Variants in IFIT2 observed in about 807,000 individuals in gnomAD.
The protein encoded by IFIT2 is interferon-induced protein with tetratricopeptide repeats 2.
A neutral mutation model predicts 2.5 loss-of-function variants in IFIT2; 3 were observed. That is an observed-to-expected ratio of 1.21 (90% CI 0.55 to 3.14). IFIT2 has a LOEUF of 3.14. IFIT2 is among the 30% of genes most tolerant of loss of function. The pLI, the probability that IFIT2 is intolerant of heterozygous loss-of-function variation, is 0.03. For missense variants in IFIT2, 493 were observed against 558.9 expected, an observed-to-expected ratio of 0.88 and a Z score of 1.19; for synonymous variants, 212 against 200.7, an observed-to-expected ratio of 1.06 and a Z score of -0.48.
In IFIT2 at chr10:89,307,072, G is replaced by A; in HGVS notation, c.1116G>A (p.Leu372=). The A allele has an allele frequency of 1.2e-6, 2 of 1,614,030 alleles. No individual in the cohort carries two copies. Among genetic ancestry groups the A allele is most frequent in the Non-Finnish European group, 1.7e-6 (2 of 1,179,946 alleles). The change falls in exon 2 of 2, where the codon CTG becomes CTA. Residue 372 remains leucine, a synonymous_variant. Transcript: ENST00000371826. ...AGCTTACTCCTGTAGCGAAACAACT[G>A]CTCCATCTGCGGTATGGCAACTTTC... ...SKELTPVAKQ[L]LHLRYGNFQL... is the part of the protein sequence containing the mutation.
chr10:89,304,269 G>A (rs560556459), intron 1 of IFIT2, among the ~76,000 whole-genome samples: 5 of 143,520 alleles, frequency 3.5e-5, no homozygotes, highest in Admixed American at 2.0e-4. Context: ...CCCCAGGTGC[G>A]GGAGCCCCGG....
At chr10:89,304,873 C>A (rs1843468559) in intron 1 of IFIT2, among the ~76,000 whole-genome samples, 2 of 150,624 alleles carry the variant, frequency 1.3e-5, no homozygotes. Flanking sequence ...ATAAGGGTAC[C>A]CTAAAGAAAA....
chr10:89,306,775 T>TAGAA lies in IFIT2; in HGVS notation c.819_820insAGAA (p.Leu274ArgfsTer20). 6.2e-7 allele frequency: 1 copy of TAGAA among 1,614,142 alleles called. No homozygotes were observed. Among genetic ancestry groups the TAGAA allele is most frequent in the Non-Finnish European group, 8.5e-7 (1 of 1,179,978 alleles). On this transcript the variant is annotated frameshift_variant, in exon 2 of 2. Coordinates refer to ENST00000371826, the MANE Select transcript of IFIT2 (RefSeq NM_001547.5). LOFTEE classifies it low-confidence loss of function (END_TRUNC). ...AAGCGATTGAACTGCTTAAAAAGGC[T>TAGAA]TTAGAATACATACCAAACAATGCCT... is the stretch of plus-strand genomic sequence containing the variant.
intron 1 of IFIT2, among the ~76,000 whole-genome samples, chr10:89,302,456 G>T (rs964929648): frequency 7.2e-5 from 11 of 152,134 alleles, no homozygotes; most frequent in South Asian, 2.1e-4. Flanking sequence ...GGGTCTGGGG[G>T]CATTGCTCTT....
rs762208253 is a variant in IFIT2, at chr10:89,306,305, G to A, written c.349G>A (p.Val117Ile). Residue 117 changes from valine (V) to isoleucine (I), a missense_variant, in exon 2 of 2, where the codon GTA becomes ATA. Physicochemically the swap from Val to Ile is conservative, Grantham distance 29. Transcript: ENST00000371826. ...MGRLSDVQIY[V>I]DKVKHVCEKF... ...CCGACTCTCAGACGTTCAGATTTAT[G>A]TAGACAAGGTGAAACATGTCTGTGA... 7.4e-6 allele frequency: 12 copies of A among 1,614,014 alleles called. No homozygotes were observed. The highest frequency in any genetic ancestry group is 1.0e-5 in the Non-Finnish European group (12 of 1,179,992).
Position 89,307,653 on chromosome 10 carries a change from T to G in IFIT2, c.*278T>G. 3.1e-6 allele frequency: 1 copy of G among 321,260 alleles called. No individual in the cohort carries two copies. The highest frequency in any genetic ancestry group is 5.8e-6 in the Non-Finnish European group (1 of 172,644). 19.9% of individuals were successfully genotyped at this position (321,260 alleles called of 1,614,324 possible). A position where few individuals can be genotyped will look rare whatever the true frequency, so the allele number is the denominator to read the frequency against. On this transcript the variant is annotated 3_prime_UTR_variant, in exon 2 of 2. Coordinates refer to ENST00000371826, the MANE Select transcript of IFIT2 (RefSeq NM_001547.5). The stretch of plus-strand genomic sequence containing the variant: ...TTGAGTGCAATTTGAACTGTAACAT[T>G]TGCTTAGTCACCTTTAGTGGAGTAA...
chr10:89,305,842 G>C (rs1349815696), intron 1 of IFIT2, 120 bp from the exon 2 acceptor site: 1 of 701,046 alleles, frequency 1.4e-6, no homozygotes, highest in Non-Finnish European at 2.5e-6. Flanking sequence ...AGAAAAGAAG[G>C]GGAGTTTCTT....
intron 1 of IFIT2, among the ~76,000 whole-genome samples, chr10:89,303,886 G>A (rs944763506): frequency 2.6e-5 from 4 of 152,164 alleles, no homozygotes; most frequent in African/African-American, 9.7e-5. Flanking sequence ...TGGGGTCTGA[G>A]AGTGGTCATA....
chr10:89,306,090 A>T lies in IFIT2; in HGVS notation c.134A>T (p.Gln45Leu). ...AAAGTATTTTACCGGACTGAGTTTCAGAATCGTGAATTCAAAGCCACAATG... is the reference window on the plus strand; with the variant it reads ...AAAGTATTTTACCGGACTGAGTTTCTGAATCGTGAATTCAAAGCCACAATG... Reference protein sequence around the residue: ...EDKVFYRTEFQNREFKATMCN... With the variant: ...EDKVFYRTEFLNREFKATMCN... Residue 45 changes from glutamine to leucine, a missense_variant, in exon 2 of 2, where the codon CAG (glutamine) becomes CTG (leucine). Coordinates refer to ENST00000371826, the MANE Select transcript of IFIT2 (RefSeq NM_001547.5). 1 of 1,614,162 alleles carries T rather than the reference A, an allele frequency of 6.2e-7. No individual in the cohort carries two copies. The highest frequency in any genetic ancestry group is 8.5e-7 in the Non-Finnish European group (1 of 1,179,996).
chr10:89,306,966 G>C lies in IFIT2; in HGVS notation c.1010G>C (p.Cys337Ser), dbSNP rs750351586. 1.2e-6 allele frequency: 2 copies of C among 1,614,034 alleles called. No individual in the cohort carries two copies. Residue 337 changes from cysteine to serine, a missense_variant, in exon 2 of 2, where the codon TGT becomes TCT. By Grantham distance (112) the Cys-to-Ser change is moderately radical. Transcript: ENST00000371826. ...DEANDNLFRV[C>S]SILASLHALA... Reference sequence around the variant, plus strand: ...GCCAATGATAATCTCTTCCGTGTCTGTTCCATTCTTGCCAGCCTCCATGCT... The same window carrying C: ...GCCAATGATAATCTCTTCCGTGTCTCTTCCATTCTTGCCAGCCTCCATGCT...
rs988857913 is a variant in IFIT2, at chr10:89,306,940, G to C, written c.984G>C (p.Glu328Asp). The C allele has an allele frequency of 6.2e-7, 1 of 1,613,884 alleles. No individual in the cohort carries two copies. The highest frequency in any genetic ancestry group is 8.5e-7 in the Non-Finnish European group (1 of 1,179,964). Residue 328 changes from glutamate to aspartate, a missense_variant, in exon 2 of 2, where the codon GAG (glutamate) becomes GAC (aspartate). Transcript: ENST00000371826. The part of the protein sequence containing the change: ...HAVAHLKKAD[E>D]ANDNLFRVCS... ...TGGCTCATCTGAAGAAAGCTGATGA[G>C]GCCAATGATAATCTCTTCCGTGTCT...
intron 1 of IFIT2, among the ~76,000 whole-genome samples, chr10:89,305,518 A>G (rs932944581): frequency 2.0e-5 from 3 of 152,210 alleles, no homozygotes; most frequent in African/African-American, 7.2e-5. Flanking sequence ...ATGGCAAAAC[A>G]TTAAAAGAAT....
At chr10:89,305,823 A>G (rs952793576) in intron 1 of IFIT2, 139 bp from the exon 2 acceptor site, 2 of 654,996 alleles carry the variant, frequency 3.1e-6, no homozygotes, top group Non-Finnish European at 5.3e-6. Context: ...GGAAAAACAT[A>G]TTATAGAAAG....
chr10:89,306,555 A>G lies in IFIT2; in HGVS notation c.599A>G (p.Gln200Arg), dbSNP rs1843480723. The G allele has an allele frequency of 6.2e-7, 1 of 1,613,980 alleles. No homozygotes were observed. The highest frequency in any genetic ancestry group is 8.5e-7 in the Non-Finnish European group (1 of 1,179,970). The change falls in exon 2 of 2, where the codon CAA becomes CGA. Residue 200 changes from glutamine to arginine, a missense_variant. By Grantham distance (43) the Gln-to-Arg change is conservative (BLOSUM62 1). Coordinates refer to ENST00000371826, the MANE Select transcript of IFIT2 (RefSeq NM_001547.5). ...CAGAACGCCATTGACCCTCTGAGGC[A>G]AGCCATTCGGCTGAATCCTGACAAC... is the stretch of plus-strand genomic sequence containing the variant. ...PSQNAIDPLR[Q>R]AIRLNPDNQY...
rs187537532 is a variant in IFIT2, at chr10:89,306,424, A to C, written c.468A>C (p.Arg156Ser). 1 of 1,614,168 alleles carries C rather than the reference A, an allele frequency of 6.2e-7. No homozygotes were observed. The highest frequency in any genetic ancestry group is 2.2e-5 in the East Asian group (1 of 44,884). The change falls in exon 2 of 2, where the codon AGA becomes AGC. Residue 156 changes from arginine (R) to serine (S), a missense_variant. Physicochemically the swap from Arg to Ser is moderately radical, Grantham distance 110. Transcript: ENST00000371826. ...AGTGTGGAGGAAACCAAAATGAAAG[A>C]GCGAAGGTGTGCTTTGAGAAGGCTC... ...RLKCGGNQNERAKVCFEKALE... is the reference protein window; with the variant it reads ...RLKCGGNQNESAKVCFEKALE...
chr10:89,306,856 T>G lies in IFIT2; in HGVS notation c.900T>G (p.Asn300Lys), dbSNP rs755045060. The change falls in exon 2 of 2, where the codon AAT becomes AAG. Residue 300 changes from asparagine to lysine, a missense_variant. By Grantham distance (94) the Asn-to-Lys change is moderately conservative. Coordinates refer to ENST00000371826, the MANE Select transcript of IFIT2 (RefSeq NM_001547.5). ...CYRAKVFQVM[N>K]LRENGMYGKR... ...GGGCAAAAGTCTTCCAAGTAATGAA[T>G]CTAAGAGAGAATGGAATGTATGGGA... 6.2e-7 allele frequency: 1 copy of G among 1,614,034 alleles called. No individual in the cohort carries two copies. The highest frequency in any genetic ancestry group is 8.5e-7 in the Non-Finnish European group (1 of 1,179,968).
rs956394614 is a variant in IFIT2 at position 89,307,601 on chromosome 10, T to A, written c.*226T>A. 5 of 431,294 alleles carry A rather than the reference T, an allele frequency of 1.2e-5. No homozygotes were observed. Among genetic ancestry groups the A allele is most frequent in the African/African-American group, 9.7e-5 (5 of 51,480 alleles). The allele number at this position is 431,294 out of a possible 1,614,324, so 26.7% of individuals were successfully genotyped here. A position where few individuals can be genotyped will look rare whatever the true frequency, so the allele number is the denominator to read the frequency against. On this transcript the variant is annotated 3_prime_UTR_variant, in exon 2 of 2. Coordinates refer to ENST00000371826, the MANE Select transcript of IFIT2 (RefSeq NM_001547.5). ...TTGGGGGGTAGGTCCACGGGCTTGG[T>A]GATAGAATTATTTCTCGATTGACTT...
At chr10:89,302,253 C>A in intron 1 of IFIT2, 125 bp downstream of exon 1, 1 of 968,848 alleles carries the variant, frequency 1.0e-6, no homozygotes. Flanking sequence ...CTTACTATGC[C>A]TCTACCTCTG....
At chr10:89,303,999 C>T (rs1011198773) in intron 1 of IFIT2, among the ~76,000 whole-genome samples, 2 of 152,198 alleles carry the variant, frequency 1.3e-5, no homozygotes, top group African/African-American at 4.8e-5. Context: ...TCCCCAGTGT[C>T]CTGTTCTGAT....
Sources: gnomAD v4.1 joint callset for allele counts (sites outside exome capture counted in the v4.1 genomes callset) on GRCh38, gnomAD v4.1.1 for gene constraint, MANE v1.5 for transcripts, NCBI Gene and HGNC (gene_info 2026-07-23, HGNC 2026-07-21) for gene names.